SKI: variants seen among roughly 807,000 people sequenced by gnomAD.
SKI encodes the protein ski oncogene.
In SKI, 23 loss-of-function variants were observed where a neutral mutation model predicts 59.3. That is an observed-to-expected ratio of 0.39 (90% CI 0.28 to 0.55). The LOEUF (loss-of-function observed/expected upper bound fraction) is 0.55, where lower values mean the gene tolerates loss of function less well. Among genes scored for constraint, SKI ranks in the 20% least tolerant of loss-of-function variants. SKI has a pLI of 0.67. For missense variants in SKI, 1,017 were observed against 1,038.9 expected (o/e 0.98, Z 0.29); for synonymous variants, 673 against 488.6 (o/e 1.38, Z -4.98).
At chr1:2,252,692 GTATGGGTTCCTCC>G (rs1309355685) in intron 1 of SKI, among the ~76,000 whole-genome samples, 3 of 152,168 alleles carry the variant, frequency 2.0e-5, no homozygotes, top group African/African-American at 7.2e-5. Context: ...CAAACGCGTG[GTATGGGTTCCTCC>G]CTCAGGGCCA....
Position 2,304,419 on chromosome 1 carries a change from C to T in SKI, c.1601C>T (p.Ala534Val), listed in dbSNP as rs781308044. The change falls in exon 5 of 7, where the codon GCC becomes GTC. Residue 534 changes from alanine (A) to valine (V), a missense_variant. By Grantham distance (64) the Ala-to-Val change is moderately conservative (BLOSUM62 0). Coordinates refer to ENST00000378536, the MANE Select transcript of SKI (RefSeq NM_003036.4). ...AVPDAAAPAD[A>V]PSGLEAELEH... Reference sequence around the variant, plus strand: ...CCTGATGCTGCGGCCCCTGCCGACGCCCCCAGTGGGCTGGAGGCGGAGCTG... The same window carrying T: ...CCTGATGCTGCGGCCCCTGCCGACGTCCCCAGTGGGCTGGAGGCGGAGCTG... The T allele has an allele frequency of 2.6e-6, 4 of 1,555,866 alleles. No homozygotes were observed. In the South Asian group the frequency reaches 3.6e-5, roughly 14 times the overall value.
At chr1:2,242,707 A>C (rs1438555450) in intron 1 of SKI, among the ~76,000 whole-genome samples, 1 of 151,590 alleles carries the variant, frequency 6.6e-6, no homozygotes, top group Non-Finnish European at 1.5e-5. Context: ...AATTTTAGAG[A>C]TGTGATCTCC....
intron 1 of SKI, among the ~76,000 whole-genome samples, chr1:2,258,746 G>A (rs560498065): frequency 1.3e-5 from 2 of 152,130 alleles, no homozygotes; most frequent in Middle Eastern, 3.4e-3. Context: ...GTAGAGACGG[G>A]GTTTGTTGGT....
intron 1 of SKI, among the ~76,000 whole-genome samples, chr1:2,257,585 C>T (rs868412436): frequency 2.0e-5 from 3 of 152,246 alleles, no homozygotes; most frequent in Non-Finnish European, 4.4e-5. Flanking sequence ...GCCGGGCTCT[C>T]GGCGATTTTT....
At chr1:2,275,771 C>G (rs568925164) in intron 1 of SKI, among the ~76,000 whole-genome samples, 1 of 152,328 alleles carries the variant, frequency 6.6e-6, no homozygotes, top group Non-Finnish European at 1.5e-5. Context: ...CTCGGCCTCC[C>G]AAGGTGCTGG....
In SKI at chr1:2,303,985, C is replaced by T. The variant is rs745779877; in HGVS notation, c.1357C>T (p.Arg453Trp). The change falls in exon 4 of 7, where the codon CGG (arginine) becomes TGG (tryptophan). Residue 453 changes from arginine to tryptophan, a missense_variant. Arg to Trp is a moderately radical substitution (Grantham distance 101). Coordinates refer to ENST00000378536, the MANE Select transcript of SKI (RefSeq NM_003036.4). This position sits in a 1 kb window ranked among gnomAD's most constrained non-coding sequence, Gnocchi z 5.6. The part of the protein sequence containing the change: ...PEPLATCTQP[R>W]KRKLTVDTPG... Reference sequence around the variant, plus strand: ...GCCTCTCGCCACTTGCACCCAGCCTCGGAAGCGGAAGCTGACTGTGGACAC... The same window carrying T: ...GCCTCTCGCCACTTGCACCCAGCCTTGGAAGCGGAAGCTGACTGTGGACAC... 6 of 1,612,504 alleles carry T rather than the reference C, an allele frequency of 3.7e-6. No homozygotes were observed. The highest frequency in any genetic ancestry group is 5.1e-6 in the Non-Finnish European group (6 of 1,179,854).
chr1:2,290,560 T>C (rs1364691550), intron 1 of SKI, among the ~76,000 whole-genome samples: 1 of 151,938 alleles, frequency 6.6e-6, no homozygotes, highest in Non-Finnish European at 1.5e-5. Flanking sequence ...TCGTCAGAGC[T>C]TCTGACCTCA....
chr1:2,289,465 C>T (rs1640114248), intron 1 of SKI, among the ~76,000 whole-genome samples: 2 of 148,434 alleles, frequency 1.3e-5, no homozygotes, highest in Admixed American at 6.7e-5. Context: ...CCCCGAGCCC[C>T]GCGCAGGGCA....
In SKI at chr1:2,287,194, C is replaced by T. The variant is rs1045533745; in HGVS notation, c.970-15784C>T. Reference sequence around the variant, plus strand: ...CCTGTGCTCTGGACCCTGGGCCGTGCGGGGCTCCAGGGCGCCTGGAGACTG... The same window carrying T: ...CCTGTGCTCTGGACCCTGGGCCGTGTGGGGCTCCAGGGCGCCTGGAGACTG... On this transcript the variant is annotated intron_variant, in intron 1 of 6. Coordinates refer to ENST00000378536, the MANE Select transcript of SKI (RefSeq NM_003036.4). Among the ~76,000 whole-genome samples the T allele has an allele frequency of 3.9e-5, 6 of 151,930 alleles. No individual in the cohort carries two copies. In the South Asian group the frequency reaches 8.3e-4, roughly 21 times the overall value.
intron 1 of SKI, among the ~76,000 whole-genome samples, chr1:2,290,777 G>T (rs1640144796): frequency 6.6e-6 from 1 of 152,198 alleles, no homozygotes; most frequent in Admixed American, 6.5e-5. Flanking sequence ...GTCCTGTAAA[G>T]CCGGGGATGG....
rs187676798 is a variant in SKI, at chr1:2,262,973, C to T, written c.969+33238C>T. Among the ~76,000 whole-genome samples the T allele has an allele frequency of 1.3e-3, 195 of 148,714 alleles. 2 individuals are homozygous for T. Among genetic ancestry groups the T allele is most frequent in the Non-Finnish European group, 5.7e-4 (38 of 67,096 alleles). On this transcript the variant is annotated intron_variant, in intron 1 of 6. Coordinates refer to ENST00000378536, the MANE Select transcript of SKI (RefSeq NM_003036.4). ...GGAGTGCAATGGCGCTATCTCGGCT[C>T]ACTGTAACCCCCGCCTTCCAGGTTC...
rs958625054 is a variant in SKI, at chr1:2,303,723, A to G, written c.1212-117A>G. The G allele has an allele frequency of 5.1e-6, 7 of 1,375,360 alleles. No homozygotes were observed. Among genetic ancestry groups the G allele is most frequent in the Admixed American group, 2.0e-5 (1 of 50,052 alleles). The allele number at this position is 1,375,360 out of a possible 1,614,324, so 85.2% of individuals were successfully genotyped here. A position where few individuals can be genotyped will look rare whatever the true frequency, so the allele number is the denominator to read the frequency against. On this transcript the variant is annotated intron_variant, in intron 3 of 6. Transcript: ENST00000378536. The surrounding 1 kb of genome is among the most constrained non-coding windows in gnomAD (Gnocchi z 5.6). ...AGGGAACTGTAAGCTTGACTTGAAG[A>G]TTCGGAGCTGGGAAAGTCTTTCCTG...
chr1:2,284,852 T>C (rs1191756785), intron 1 of SKI, among the ~76,000 whole-genome samples: 3 of 152,118 alleles, frequency 2.0e-5, no homozygotes, highest in Non-Finnish European at 4.4e-5. Context: ...GAGTGGGTGC[T>C]CTCACTGAGG....
chr1:2,268,303 C>T lies in SKI; in HGVS notation c.970-34675C>T, dbSNP rs1056931942. On this transcript the variant is annotated intron_variant, in intron 1 of 6. Coordinates refer to ENST00000378536, the MANE Select transcript of SKI (RefSeq NM_003036.4). This position sits in a 1 kb window ranked among gnomAD's most constrained non-coding sequence, Gnocchi z 5.0. ...CTGTGTAGCCAGGTGTCTCAGAGGGCTCAGGGCTCCTGGTAGGGTTTGGGT... is the reference window on the plus strand; with the variant it reads ...CTGTGTAGCCAGGTGTCTCAGAGGGTTCAGGGCTCCTGGTAGGGTTTGGGT... Among the ~76,000 whole-genome samples the T allele has an allele frequency of 6.6e-6, 1 of 152,210 alleles. No individual in the cohort carries two copies. Among genetic ancestry groups the T allele is most frequent in the Non-Finnish European group, 1.5e-5 (1 of 68,030 alleles).
chr1:2,284,223 C>T (rs1209859746), intron 1 of SKI, among the ~76,000 whole-genome samples: 1 of 152,132 alleles, frequency 6.6e-6, no homozygotes, highest in African/African-American at 2.4e-5. Context: ...GTTCCACTGG[C>T]CGGGGCTCCC....
rs1338788171 is a variant in SKI, at chr1:2,270,640, C to G, written c.970-32338C>G. On this transcript the variant is annotated intron_variant, in intron 1 of 6. Coordinates refer to ENST00000378536, the MANE Select transcript of SKI (RefSeq NM_003036.4). The surrounding 1 kb of genome is among the most constrained non-coding windows in gnomAD (Gnocchi z 4.1). ...CACCTCACGGCCTTTCTCTGGGTGTCTGAACCCAAGGTGAAAAGTTCAGGC... is the reference window on the plus strand; with the variant it reads ...CACCTCACGGCCTTTCTCTGGGTGTGTGAACCCAAGGTGAAAAGTTCAGGC... Among the ~76,000 whole-genome samples, 1 of 152,088 alleles carries G rather than the reference C, an allele frequency of 6.6e-6. No individual in the cohort carries two copies. Among genetic ancestry groups the G allele is most frequent in the Non-Finnish European group, 1.5e-5 (1 of 67,922 alleles).
At chr1:2,243,811 C>T (rs765739647) in intron 1 of SKI, among the ~76,000 whole-genome samples, 10 of 152,086 alleles carry the variant, frequency 6.6e-5, no homozygotes, top group Admixed American at 1.3e-4. Context: ...TACACGCACA[C>T]GCAATACACA....
At position 2,300,748 on chromosome 1, in the gene SKI, C is replaced by T. The variant is rs546524585; in HGVS notation, c.970-2230C>T. Among the ~76,000 whole-genome samples, 11 of 152,342 alleles carry T rather than the reference C, an allele frequency of 7.2e-5. No homozygotes were observed. In the South Asian group the frequency reaches 2.3e-3, roughly 32 times the overall value. ...GGGTCGGCAGGGGTCTTAACGGAGT[C>T]ATGTCTCCGAAGGCTCGTCCTGGCT... On this transcript the variant is annotated intron_variant, in intron 1 of 6. Transcript: ENST00000378536.
At position 2,233,032 on chromosome 1, in the gene SKI, G is replaced by A. The variant is rs77012502; in HGVS notation, c.969+3297G>A. Among the ~76,000 whole-genome samples, 103 of 152,276 alleles carry A rather than the reference G, an allele frequency of 6.8e-4. No homozygotes were observed. The East Asian group carries it at 0.018, about 27-fold the overall frequency. ...GTCAGTATAGACAGCTGTCAGAGAC[G>A]GAGACAAAATGTGGCAGTTGGAGCT... is the stretch of plus-strand genomic sequence containing the variant. On this transcript the variant is annotated intron_variant, in intron 1 of 6. Transcript: ENST00000378536.
Sources: allele counts gnomAD v4.1 joint callset (sites outside exome capture counted in the v4.1 genomes callset), GRCh38; gene constraint gnomAD v4.1.1; non-coding constraint Gnocchi (gnomAD v3.1); transcripts MANE v1.5; gene names NCBI Gene and HGNC (gene_info 2026-07-23, HGNC 2026-07-21).